Variants in APIP observed in about 807,000 individuals in gnomAD.
APIP encodes APAF1 interacting protein, also known as methylthioribulose-1-phosphate dehydratase.
Under a neutral mutation model 32.0 loss-of-function variants are expected in APIP, and 32 were observed. The ratio of observed to expected loss-of-function variants is 1.00; its 90% CI spans 0.76 to 1.34. The LOEUF (loss-of-function observed/expected upper bound fraction) is 1.34. APIP is among the 40% of genes most tolerant of loss of function. The pLI is 0.00. For missense variants in APIP, 247 were observed against 298.6 expected (o/e 0.83, Z 1.27); for synonymous variants, 92 against 94.8 (o/e 0.97, Z 0.17).
intron 1 of APIP, chr11:34,896,806 TG>T (rs1853280426): frequency 7.8e-7 from 1 of 1,288,364 alleles, no homozygotes; most frequent in East Asian, 5.5e-5. Flanking sequence ...CTGAAGGTAT[TG>T]CAAAACTCTG....
intron 3 of APIP, among the ~76,000 whole-genome samples, chr11:34,890,103 A>G (rs1203594425): frequency 6.6e-6 from 1 of 152,172 alleles, no homozygotes; most frequent in East Asian, 1.9e-4. Flanking sequence ...AATTTGAAAC[A>G]AAGTTTCATA....
chr11:34,890,485 A>C lies in APIP; in HGVS notation c.207+19T>G. ...TTAAGAAGAAAAGACACTGAGGTTA[A>C]AGAATCCCATTACCATACCTGAATT... On this transcript the variant is annotated intron_variant, in intron 3 of 6. Transcript: ENST00000395787. 6.2e-7 allele frequency: 1 copy of C among 1,600,454 alleles called. No individual in the cohort carries two copies. Among genetic ancestry groups the C allele is most frequent in the South Asian group, 1.1e-5 (1 of 88,380 alleles).
At chr11:34,898,868 G>A (rs1473680020) in intron 1 of APIP, among the ~76,000 whole-genome samples, 1 of 131,688 alleles carries the variant, frequency 7.6e-6, no homozygotes, top group African/African-American at 2.9e-5. Flanking sequence ...ACGTGATCTC[G>A]GCTCACTGCA....
At chr11:34,916,091 G>C (rs982080557) in intron 1 of APIP, 137 bp downstream of exon 1, 2 of 1,144,856 alleles carry the variant, frequency 1.7e-6, no homozygotes, top group African/African-American at 3.2e-5. Flanking sequence ...GGTGCGCCGG[G>C]GTAGCGAACG....
At chr11:34,882,861 G>A (rs1170579409) in intron 6 of APIP, 45 bp from the exon 7 acceptor site, 8 of 1,273,902 alleles carry the variant, frequency 6.3e-6, no homozygotes, top group African/African-American at 1.5e-5. Context: ...TCGAAACAGA[G>A]TTCTCCAATC....
intron 5 of APIP, among the ~76,000 whole-genome samples, chr11:34,885,598 G>A (rs1393037379): frequency 2.0e-5 from 3 of 152,058 alleles, no homozygotes; most frequent in Non-Finnish European, 4.4e-5. Context: ...ATTGTCAGTC[G>A]GCCACTTTGG....
At chr11:34,898,859 C>T (rs1853330461) in intron 1 of APIP, among the ~76,000 whole-genome samples, 1 of 121,600 alleles carries the variant, frequency 8.2e-6, no homozygotes, top group Non-Finnish European at 1.6e-5. Flanking sequence ...AGTGCAGTGA[C>T]GTGATCTCGG....
chr11:34,897,890 C>G (rs1452049684), intron 1 of APIP, among the ~76,000 whole-genome samples: 1 of 152,098 alleles, frequency 6.6e-6, no homozygotes, highest in Non-Finnish European at 1.5e-5. Flanking sequence ...GAAAATCAGA[C>G]ACCACCTCCT....
At chr11:34,914,543 A>C (rs1853621874) in intron 1 of APIP, among the ~76,000 whole-genome samples, 1 of 152,136 alleles carries the variant, frequency 6.6e-6, no homozygotes, top group Admixed American at 6.5e-5. Context: ...ATTTAACTAG[A>C]TATGCAAATC....
intron 1 of APIP, among the ~76,000 whole-genome samples, chr11:34,914,326 T>G (rs781281547): frequency 6.6e-6 from 1 of 152,176 alleles, no homozygotes; most frequent in Non-Finnish European, 1.5e-5. Context: ...GCCTGGCACA[T>G]AGTAGGCGCT....
At chr11:34,896,939 G>C in intron 1 of APIP, 1 of 564,146 alleles carries the variant, frequency 1.8e-6, no homozygotes, top group South Asian at 1.7e-5. Context: ...AGACCCCACT[G>C]AGGTCTACCT....
At chr11:34,916,150 T>A (rs2016814) in intron 1 of APIP, 78 bp downstream of exon 1, 15 of 1,544,474 alleles carry the variant, frequency 9.7e-6, no homozygotes, top group Non-Finnish European at 1.2e-5. Flanking sequence ...CCCGCTACCC[T>A]GCGCCCAGCT....
intron 1 of APIP, among the ~76,000 whole-genome samples, chr11:34,905,639 A>G (rs1853437129): frequency 6.6e-6 from 1 of 152,090 alleles, no homozygotes; most frequent in Admixed American, 6.6e-5. Context: ...TGTTAGTTCA[A>G]ATATTTAGGG....
At chr11:34,896,884 T>C (rs1347705121) in intron 1 of APIP, 2 of 1,145,332 alleles carry the variant, frequency 1.7e-6, no homozygotes, top group Non-Finnish European at 2.3e-6. Flanking sequence ...ACCCAGGGCC[T>C]GATCAATTCC....
chr11:34,902,070 G>A (rs1183661509), intron 1 of APIP, among the ~76,000 whole-genome samples: 1 of 152,208 alleles, frequency 6.6e-6, no homozygotes, highest in Non-Finnish European at 1.5e-5. Flanking sequence ...AATGCATCCA[G>A]TGGTACCTAA....
intron 1 of APIP, among the ~76,000 whole-genome samples, chr11:34,897,537 T>C (rs1853296294): frequency 6.6e-6 from 1 of 152,032 alleles, no homozygotes; most frequent in South Asian, 2.1e-4. Flanking sequence ...TAAGGTTTTG[T>C]TTTCTTTTAA....
chr11:34,908,320 CTT>C lies in APIP; in HGVS notation c.57+7906_57+7907del, dbSNP rs143691222. ...AACTCCAAGATACCCAGTAAATACT[CTT>C]TTTGTTTGTTTCAAAGTCTTTCACT... is the stretch of plus-strand genomic sequence containing the variant. On this transcript the variant is annotated intron_variant, in intron 1 of 6. Transcript: ENST00000395787. 5.2e-3 allele frequency among the ~76,000 whole-genome samples: 786 copies of C among 152,298 alleles called. 6 individuals carry two copies. Among genetic ancestry groups the C allele is most frequent in the Middle Eastern group, 0.01 (3 of 294 alleles).
intron 1 of APIP, among the ~76,000 whole-genome samples, chr11:34,911,128 A>G (rs996843166): frequency 6.6e-6 from 1 of 152,174 alleles, no homozygotes; most frequent in Non-Finnish European, 1.5e-5. Flanking sequence ...GAATATACCC[A>G]AAAAAGTGTA....
At chr11:34,915,814 T>TC (rs1298287538) in intron 1 of APIP, 4 of 233,888 alleles carry the variant, frequency 1.7e-5, no homozygotes, top group African/African-American at 2.3e-5. Context: ...GTGCCAAACG[T>TC]CCCCCCAAAC....
Sources: gnomAD v4.1 joint callset for allele counts (sites outside exome capture counted in the v4.1 genomes callset) on GRCh38, gnomAD v4.1.1 for gene constraint, MANE v1.5 for transcripts, NCBI Gene and HGNC (gene_info 2026-07-23, HGNC 2026-07-21) for gene names.